The following ZFYVE28 variants were observed in gnomAD, a reference collection of about 807,000 sequenced individuals.
The protein encoded by ZFYVE28 is lateral signaling target protein 2 homolog.
ZFYVE28 carries 40 observed loss-of-function variants against 82.1 expected under a neutral mutation model. That is an observed-to-expected ratio of 0.49 (90% CI 0.38 to 0.63). The LOEUF (loss-of-function observed/expected upper bound fraction) is 0.63, where lower values mean the gene tolerates loss of function less well. Among genes scored for constraint, ZFYVE28 ranks in the 30% least tolerant of loss-of-function variants. The pLI is 0.00. For missense variants in ZFYVE28, 1,321 were observed against 1,242.1 expected, an observed-to-expected ratio of 1.06 and a Z score of -0.96; for synonymous variants, 612 against 546.1, an observed-to-expected ratio of 1.12 and a Z score of -1.68.
chr4:2,302,185 G>A (rs998954544), intron 8 of ZFYVE28, among the ~76,000 whole-genome samples: 2 of 152,238 alleles, frequency 1.3e-5, no homozygotes, highest in Admixed American at 1.3e-4. Flanking sequence ...ATGTGCCTTT[G>A]CTTACATTTT....
At chr4:2,375,388 T>A (rs1303465320) in intron 1 of ZFYVE28, among the ~76,000 whole-genome samples, 4 of 152,114 alleles carry the variant, frequency 2.6e-5, no homozygotes, top group Non-Finnish European at 5.9e-5. Flanking sequence ...CCCCGGTACC[T>A]CCCCAAGGGT....
At chr4:2,400,257 G>A (rs751906587) in intron 1 of ZFYVE28, among the ~76,000 whole-genome samples, 4 of 152,198 alleles carry the variant, frequency 2.6e-5, no homozygotes, top group Non-Finnish European at 5.9e-5. Context: ...CTGGTCCGTC[G>A]CAGAATGTGT....
rs779407803 is a variant in ZFYVE28 at position 2,320,237 on chromosome 4, A to G, written c.736T>C (p.Leu246=). 6.2e-7 allele frequency: 1 copy of G among 1,614,068 alleles called. No homozygotes were observed. Among genetic ancestry groups the G allele is most frequent in the South Asian group, 1.1e-5 (1 of 91,068 alleles). ...LVVYADGPLN[L]DRKVEDMSEL... Reference sequence around the variant, plus strand: ...GACATGTCTTCCACCTTGCGGTCCAAGTTCAGAGGTCCGTCCGCATAGACC... The same window carrying G: ...GACATGTCTTCCACCTTGCGGTCCAGGTTCAGAGGTCCGTCCGCATAGACC... Residue 246 remains leucine (L), a synonymous_variant, in exon 7 of 13, where the codon TTG becomes CTG. Coordinates refer to ENST00000290974, the MANE Select transcript of ZFYVE28 (RefSeq NM_020972.3). The surrounding 1 kb of genome is among the most constrained non-coding windows in gnomAD (Gnocchi z 5.1).
chr4:2,407,573 C>T (rs1350948593), intron 1 of ZFYVE28, among the ~76,000 whole-genome samples: 1 of 152,086 alleles, frequency 6.6e-6, no homozygotes, highest in Non-Finnish European at 1.5e-5. Context: ...TCCTGAAGTC[C>T]CAGGAGTTAC....
At chr4:2,275,098 G>A (rs899467681) in intron 8 of ZFYVE28, among the ~76,000 whole-genome samples, 1 of 151,444 alleles carries the variant, frequency 6.6e-6, no homozygotes, top group African/African-American at 2.4e-5. Context: ...AGACCCCACA[G>A]GCCTCGCTGG....
chr4:2,389,639 T>C (rs1289261446), intron 1 of ZFYVE28, among the ~76,000 whole-genome samples: 5 of 152,206 alleles, frequency 3.3e-5, no homozygotes, highest in Non-Finnish European at 7.3e-5. Flanking sequence ...CAGCCCTGCG[T>C]TGGAAGCATC....
intron 7 of ZFYVE28, among the ~76,000 whole-genome samples, chr4:2,306,252 T>C (rs1015392526): frequency 6.6e-6 from 1 of 152,242 alleles, no homozygotes; most frequent in African/African-American, 2.4e-5. Context: ...TGTGGGCTGC[T>C]CTCTGCTGCG....
At chr4:2,273,860 C>T (rs1313057970) in intron 9 of ZFYVE28, among the ~76,000 whole-genome samples, 1 of 152,160 alleles carries the variant, frequency 6.6e-6, no homozygotes, top group African/African-American at 2.4e-5. Context: ...CCCACCCTCA[C>T]CCGCAGCTCC....
At position 2,372,027 on chromosome 4, in the gene ZFYVE28, A is replaced by G. The variant is rs989510934; in HGVS notation, c.40-17954T>C. 4.6e-5 allele frequency among the ~76,000 whole-genome samples: 7 copies of G among 152,098 alleles called. No individual in the cohort carries two copies. The highest frequency in any genetic ancestry group is 8.8e-5 in the Non-Finnish European group (6 of 68,002). On this transcript the variant is annotated intron_variant, in intron 1 of 12. Coordinates refer to ENST00000290974, the MANE Select transcript of ZFYVE28 (RefSeq NM_020972.3). The surrounding 1 kb of genome is among the most constrained non-coding windows in gnomAD (Gnocchi z 5.2). Reference sequence around the variant, plus strand: ...TGGAGCTGGGGGCTGGCAGGGGTGCAAGGCCATGCACGAGCCTCAGGTCAG... The same window carrying G: ...TGGAGCTGGGGGCTGGCAGGGGTGCGAGGCCATGCACGAGCCTCAGGTCAG...
At chr4:2,399,035 T>TGAGATCCAGGGCACAAGCGTGGAGGG (rs1560338678) in intron 1 of ZFYVE28, among the ~76,000 whole-genome samples, 3 of 97,324 alleles carry the variant, frequency 3.1e-5, no homozygotes, top group South Asian at 3.4e-4. Flanking sequence ...CAAGGTGGGG[T>TGAGATCCAGGGCACAAGCGTGGAGGG]GAGATCCAGG....
At position 2,320,108 on chromosome 4, in the gene ZFYVE28, G is replaced by C; in HGVS notation, c.803+62C>G. ...GAGGCGGCGGCTAAACATGACTTCA[G>C]CGCCCACCTGTGGCCCTCCTGTCCC... On this transcript the variant is annotated intron_variant, in intron 7 of 12. Coordinates refer to ENST00000290974, the MANE Select transcript of ZFYVE28 (RefSeq NM_020972.3). This position sits in a 1 kb window ranked among gnomAD's most constrained non-coding sequence, Gnocchi z 5.1. The C allele has an allele frequency of 6.5e-7, 1 of 1,527,538 alleles. No individual in the cohort carries two copies. Among genetic ancestry groups the C allele is most frequent in the Non-Finnish European group, 9.0e-7 (1 of 1,106,366 alleles). 94.6% of individuals were successfully genotyped at this position (1,527,538 alleles called of 1,614,324 possible).
chr4:2,296,449 G>C (rs969013804), intron 8 of ZFYVE28, among the ~76,000 whole-genome samples: 1 of 152,226 alleles, frequency 6.6e-6, no homozygotes, highest in East Asian at 1.9e-4. Context: ...ACTTATAAAC[G>C]ATTGGCTTAA....
chr4:2,330,417 C>CA, intron 6 of ZFYVE28: 1 of 1,040,986 alleles, frequency 9.6e-7, no homozygotes, highest in East Asian at 9.5e-5. Context: ...GAGGACAGCA[C>CA]GGAAGAGGGG....
At chr4:2,351,763 G>C (rs751585129) in intron 2 of ZFYVE28, among the ~76,000 whole-genome samples, 1 of 152,190 alleles carries the variant, frequency 6.6e-6, no homozygotes, top group Non-Finnish European at 1.5e-5. Context: ...CTGATCCCAA[G>C]TCCAGGCATG....
intron 8 of ZFYVE28, among the ~76,000 whole-genome samples, chr4:2,303,930 C>T (rs1716043478): frequency 6.6e-6 from 1 of 152,266 alleles, no homozygotes; most frequent in Admixed American, 6.5e-5. Flanking sequence ...GCTCCCACTG[C>T]CCCGCACAGG....
chr4:2,334,784 T>C (rs1460262157), intron 6 of ZFYVE28, among the ~76,000 whole-genome samples: 96 of 3,206 alleles, frequency 0.03, 2 homozygotes, highest in Non-Finnish European at 0.047. Flanking sequence ...CCGCCTCCCC[T>C]CTTCCCCCTC....
chr4:2,311,037 G>A (rs1717402506), intron 7 of ZFYVE28, among the ~76,000 whole-genome samples: 1 of 151,940 alleles, frequency 6.6e-6, no homozygotes, highest in Non-Finnish European at 1.5e-5. Flanking sequence ...TTGCTTTTTT[G>A]AGGAATTTGT....
intron 1 of ZFYVE28, among the ~76,000 whole-genome samples, chr4:2,405,136 A>T (rs1446591895): frequency 1.3e-5 from 2 of 152,246 alleles, no homozygotes; most frequent in African/African-American, 4.8e-5. Flanking sequence ...ATATCCTTGG[A>T]TAGTTCCAAA....
intron 8 of ZFYVE28, among the ~76,000 whole-genome samples, chr4:2,289,451 G>T (rs1329364595): frequency 6.6e-6 from 1 of 152,184 alleles, no homozygotes; most frequent in African/African-American, 2.4e-5. Flanking sequence ...AGTGAGGGGG[G>T]TGGTATGTGA....
Sources: allele counts gnomAD v4.1 joint callset (sites outside exome capture counted in the v4.1 genomes callset), GRCh38; gene constraint gnomAD v4.1.1; non-coding constraint Gnocchi (gnomAD v3.1); transcripts MANE v1.5; gene names NCBI Gene and HGNC (gene_info 2026-07-23, HGNC 2026-07-21).